SHISA9: variants seen among roughly 807,000 people sequenced by gnomAD.
The protein encoded by SHISA9 is shisa family member 9.
A neutral mutation model predicts 38.0 loss-of-function variants in SHISA9; 13 were observed. The ratio of observed to expected loss-of-function variants is 0.34; its 90% CI spans 0.22 to 0.54. The LOEUF is 0.54. Among genes scored for constraint, SHISA9 ranks in the 20% least tolerant of loss-of-function variants. The probability of loss-of-function intolerance (pLI) is 0.91; values close to 1 mark genes in which losing one functional copy is unlikely to be tolerated. For synonymous variants in SHISA9, 275 were observed against 242.0 expected, an observed-to-expected ratio of 1.14 and a Z score of -1.27; for missense variants, 538 against 575.8, an observed-to-expected ratio of 0.93 and a Z score of 0.67.
chr16:13,426,722 C>A, the SHISA9 span, among the ~76,000 whole-genome samples: 1 of 152,174 alleles, frequency 6.6e-6, no homozygotes, highest in East Asian at 1.9e-4. Context: ...ATCTTTCAGA[C>A]CACATCAAAA....
At chr16:13,249,252 C>T in the SHISA9 span, among the ~76,000 whole-genome samples, 6 of 152,238 alleles carry the variant, frequency 3.9e-5, no homozygotes, top group East Asian at 1.9e-4. Context: ...AAAAGCAGGA[C>T]GTTTGGAGAA....
At chr16:13,419,432 T>A in the SHISA9 span, among the ~76,000 whole-genome samples, 1 of 152,244 alleles carries the variant, frequency 6.6e-6, no homozygotes, top group Admixed American at 6.5e-5. Context: ...GTGGGACTAA[T>A]CTTTCCTTTA....
the SHISA9 span, among the ~76,000 whole-genome samples, chr16:13,321,273 G>T: frequency 6.6e-6 from 1 of 152,200 alleles, no homozygotes; most frequent in Non-Finnish European, 1.5e-5. Flanking sequence ...TCATGTCCCA[G>T]TATGACTTTC....
At chr16:13,345,967 AT>A in the SHISA9 span, among the ~76,000 whole-genome samples, 180 of 126,316 alleles carry the variant, frequency 1.4e-3, no homozygotes, top group African/African-American at 4.8e-3. Context: ...TTGTAAAAAA[AT>A]TTTTTTAAAA....
At chr16:13,400,363 A>AACACACAC in the SHISA9 span, among the ~76,000 whole-genome samples, 16 of 150,920 alleles carry the variant, frequency 1.1e-4, no homozygotes, top group African/African-American at 2.9e-4. Context: ...CCTCTGTTCC[A>AACACACAC]ACACACACAC....
chr16:12,916,663 A>G (rs1255310159), intron 1 of SHISA9, 25 bp from the exon 2 acceptor site: 2 of 1,543,758 alleles, frequency 1.3e-6, no homozygotes, highest in Admixed American at 2.0e-5. Context: ...TTGAATGAAC[A>G]GATTTAAATT....
At chr16:13,333,919 T>G in the SHISA9 span, among the ~76,000 whole-genome samples, 2 of 152,204 alleles carry the variant, frequency 1.3e-5, no homozygotes, top group Admixed American at 6.5e-5. Context: ...CAGGAAAGGT[T>G]GTTTCATCTA....
chr16:12,980,511 C>CT (rs1184601288), intron 2 of SHISA9, among the ~76,000 whole-genome samples: 3 of 151,198 alleles, frequency 2.0e-5, no homozygotes, highest in African/African-American at 7.3e-5. Flanking sequence ...TCCATGGGTG[C>CT]TTTTAGAAGT....
the SHISA9 span, among the ~76,000 whole-genome samples, chr16:13,469,320 G>GAGAGAGAGAGAGAGAGAGAGAA: frequency 1.6e-5 from 1 of 61,572 alleles, no homozygotes; most frequent in African/African-American, 7.8e-5. Context: ...GAGAGAGAGA[G>GAGAGAGAGAGAGAGAGAGAGAA]AGAAAGAAAG....
At chr16:13,469,322 G>GAAAGA in the SHISA9 span, among the ~76,000 whole-genome samples, 1 of 72,030 alleles carries the variant, frequency 1.4e-5, no homozygotes, top group Admixed American at 1.7e-4. Flanking sequence ...GAGAGAGAGA[G>GAAAGA]AAAGAAAGAA....
chr16:13,292,735 CT>C, the SHISA9 span, among the ~76,000 whole-genome samples: 6 of 152,078 alleles, frequency 3.9e-5, no homozygotes, highest in Non-Finnish European at 7.4e-5. Flanking sequence ...ATAAAGGACT[CT>C]GAGGCTGTCT....
At chr16:13,189,689 CAG>C (rs2050863882) in intron 2 of SHISA9, among the ~76,000 whole-genome samples, 1 of 152,284 alleles carries the variant, frequency 6.6e-6, no homozygotes, top group Non-Finnish European at 1.5e-5. Flanking sequence ...AAAGATGGCT[CAG>C]AGTTAGTTTG....
chr16:13,033,043 A>G (rs145378438), intron 2 of SHISA9, among the ~76,000 whole-genome samples: 68 of 152,286 alleles, frequency 4.5e-4, no homozygotes, highest in Non-Finnish European at 8.1e-4. Flanking sequence ...CATGGTGACC[A>G]GATGGTGGCC....
chr16:13,070,509 C>T (rs1049397978), intron 2 of SHISA9, among the ~76,000 whole-genome samples: 5 of 152,214 alleles, frequency 3.3e-5, no homozygotes, highest in Admixed American at 2.0e-4. Flanking sequence ...AGAAACCTGG[C>T]TGTGCCGTGG....
chr16:12,913,060 TAA>T (rs57070970), intron 1 of SHISA9, among the ~76,000 whole-genome samples: 1 of 151,304 alleles, frequency 6.6e-6, no homozygotes, highest in Non-Finnish European at 1.5e-5. Context: ...ATTTGTAACT[TAA>T]AAAAAAAGTA....
the SHISA9 span, among the ~76,000 whole-genome samples, chr16:13,371,830 C>G: frequency 6.6e-6 from 1 of 152,224 alleles, no homozygotes; most frequent in South Asian, 2.1e-4. Context: ...TGACTCAATC[C>G]TCAGTCAGGT....
intron 2 of SHISA9, among the ~76,000 whole-genome samples, chr16:13,152,219 A>C (rs187930662): frequency 1.5e-4 from 23 of 152,176 alleles, no homozygotes; most frequent in African/African-American, 5.6e-4. Context: ...CATCTAGTTG[A>C]GCTATTTATT....
chr16:13,236,311 T>TTC lies in SHISA9; in HGVS notation c.*903_*904insCT, dbSNP rs2051383947. The TTC allele has an allele frequency of 6.6e-6, 1 of 151,398 alleles. No individual in the cohort carries two copies. The allele number at this position is 151,398 out of a possible 1,614,324, so 9.4% of individuals were successfully genotyped here. ...AACGGCAAATTAGGTGTTTTTTTTT[T>TTC]TTCAAAAATCTTGAAGACTTGTTGA... On this transcript the variant is annotated 3_prime_UTR_variant, in exon 5 of 5. Transcript: ENST00000558583.
the SHISA9 span, among the ~76,000 whole-genome samples, chr16:13,506,225 G>A: frequency 3.3e-5 from 5 of 152,122 alleles, no homozygotes; most frequent in Non-Finnish European, 7.3e-5. Flanking sequence ...CCTTCACCCA[G>A]GCATTTACTC....
Sources: gnomAD v4.1 joint callset for allele counts (sites outside exome capture counted in the v4.1 genomes callset) on GRCh38, gnomAD v4.1.1 for gene constraint, MANE v1.5 for transcripts, NCBI Gene and HGNC (gene_info 2026-07-23, HGNC 2026-07-21) for gene names.